The following RPS24 variants were observed in gnomAD, a reference collection of about 807,000 sequenced individuals.
RPS24 encodes small ribosomal subunit protein eS24.
For missense variants in RPS24, 100 were observed against 162.5 expected, an observed-to-expected ratio of 0.62 and a Z score of 2.09; for synonymous variants, 72 against 55.6, an observed-to-expected ratio of 1.30 and a Z score of -1.31.
At chr10:78,046,551 C>T (rs1477204488) in intron 4 of RPS24, among the ~76,000 whole-genome samples, 1 of 151,946 alleles carries the variant, frequency 6.6e-6, no homozygotes, top group Non-Finnish European at 1.5e-5. Flanking sequence ...GACAGGGTTT[C>T]TCCATGTTGG....
downstream of RPS24, among the ~76,000 whole-genome samples, chr10:78,042,410 C>T (rs1159970894): frequency 6.6e-6 from 1 of 152,198 alleles, no homozygotes; most frequent in Non-Finnish European, 1.5e-5. Flanking sequence ...GCTAGCTACC[C>T]TGGCTCACAA....
rs140177297 is a variant in RPS24, at chr10:78,054,841, A to G, written c.701A>G (p.His234Arg). ...TCACCTGCTCCTGCTGGTTCTCCCC[A>G]CCCTGTGGACGGTGACTTGGTCCTC... The change falls in exon 5 of 5, where the codon CAC (histidine) becomes CGC (arginine). Residue 234 changes from histidine to arginine, a missense_variant. By Grantham distance (29) the His-to-Arg change is conservative (BLOSUM62 0). Coordinates refer to the RPS24 transcript ENST00000440692. The G allele has an allele frequency of 1.6e-3, 2,537 of 1,551,222 alleles. 32 individuals carry two copies. In the African/African-American group the frequency reaches 0.03, roughly 18 times the overall value.
At chr10:78,054,853 G>T in exon 5 of RPS24, 1 of 1,551,126 alleles carries the variant, frequency 6.4e-7, no homozygotes, top group Non-Finnish European at 8.7e-7. Flanking sequence ...CCTGTGGACG[G>T]TGACTTGGTC....
chr10:78,055,835 C>T (rs1175094376), exon 5 of RPS24: 1 of 152,366 alleles, frequency 6.6e-6, no homozygotes, highest in Admixed American at 6.5e-5. Flanking sequence ...TCACTGCAAC[C>T]TCTGCTTCCC....
exon 5 of RPS24, chr10:78,056,020 G>C (rs1027506479): frequency 6.6e-6 from 1 of 152,318 alleles, no homozygotes; most frequent in Non-Finnish European, 1.5e-5. Context: ...CAACGTGCTG[G>C]GATTACAGGC....
intron 1 of RPS24, chr10:78,034,452 C>T (rs1847815462): frequency 6.3e-6 from 1 of 158,328 alleles, no homozygotes. Context: ...GCGTTATTAG[C>T]TCCTCCAGCA....
intron 3 of RPS24, among the ~76,000 whole-genome samples, chr10:78,036,936 A>G (rs957602932): frequency 6.6e-6 from 1 of 152,172 alleles, no homozygotes; most frequent in African/African-American, 2.4e-5. Context: ...TCAAGTCTGG[A>G]CAAGAACAGC....
At chr10:78,043,006 TAC>T (rs35848247), downstream of RPS24, among the ~76,000 whole-genome samples, 77,745 of 151,574 alleles carry the variant, frequency 0.51, 21,360 homozygotes, top group Non-Finnish European at 0.61. Context: ...CGCACACACA[TAC>T]ACACATATTT....
intron 4 of RPS24, among the ~76,000 whole-genome samples, chr10:78,053,695 C>T (rs558823632): frequency 6.6e-6 from 1 of 152,096 alleles, no homozygotes; most frequent in Admixed American, 6.5e-5. Flanking sequence ...ACGTCTGCAC[C>T]ACAGCCCCTC....
chr10:78,047,592 C>G (rs1848058380), intron 4 of RPS24, among the ~76,000 whole-genome samples: 1 of 152,156 alleles, frequency 6.6e-6, no homozygotes, highest in African/African-American at 2.4e-5. Flanking sequence ...CAGAGAAGGT[C>G]TAATGGGGGT....
At chr10:78,037,119 C>A (rs1847886810) in intron 3 of RPS24, 75 bp from the exon 4 acceptor site, 2 of 1,535,340 alleles carry the variant, frequency 1.3e-6, no homozygotes, top group South Asian at 1.2e-5. Flanking sequence ...CAGACTGGGT[C>A]AGTTTCCCTA....
chr10:78,047,407 C>T lies in RPS24; in HGVS notation c.391-7124C>T, dbSNP rs528116459. On this transcript the variant is annotated intron_variant, in intron 4 of 4. Transcript: ENST00000440692. ...AGGACAGTGCTGTAGACTGCCCCATCCCTGCCTTTTCACTTGGTGAAATAA... is the reference window on the plus strand; with the variant it reads ...AGGACAGTGCTGTAGACTGCCCCATTCCTGCCTTTTCACTTGGTGAAATAA... 2.8e-4 allele frequency among the ~76,000 whole-genome samples: 43 copies of T among 152,266 alleles called. No individual in the cohort carries two copies. In the South Asian group the frequency reaches 8.9e-3, roughly 32 times the overall value.
chr10:78,040,254 G>A (rs759908455), intron 5 of RPS24, 29 bp downstream of exon 5: 2 of 1,593,864 alleles, frequency 1.3e-6, no homozygotes, highest in Non-Finnish European at 1.7e-6. Context: ...ATGTAGTCAT[G>A]TAGATCACTA....
At chr10:78,043,280 G>A (rs1848006533), downstream of RPS24, among the ~76,000 whole-genome samples, 1 of 152,162 alleles carries the variant, frequency 6.6e-6, no homozygotes, top group Admixed American at 6.5e-5. Flanking sequence ...TGGGATTACA[G>A]GTGTGAGCCA....
At position 78,037,045 on chromosome 10, in the gene RPS24, C is replaced by T. The variant is rs6480873; in HGVS notation, c.280-149C>T. ...AATCCCTTGATGATCCTTTCTGTTC[C>T]AGCAAAAACATGCATTAAATGTACT... On this transcript the variant is annotated intron_variant, in intron 3 of 5. Coordinates refer to ENST00000372360, the MANE Select transcript of RPS24 (RefSeq NM_033022.4). The T allele has an allele frequency of 0.033, 29,352 of 891,192 alleles. 5,260 individuals are homozygous for T. In the African/African-American group the frequency reaches 0.41, roughly 13 times the overall value. The allele number at this position is 891,192 out of a possible 1,614,324, so 55.2% of individuals were successfully genotyped here. A position where few individuals can be genotyped will look rare whatever the true frequency, so the allele number is the denominator to read the frequency against.
downstream of RPS24, among the ~76,000 whole-genome samples, chr10:78,041,643 G>C (rs1847987208): frequency 6.6e-6 from 1 of 152,194 alleles, no homozygotes; most frequent in Non-Finnish European, 1.5e-5. Context: ...CTGTGACTGA[G>C]CTGGAGTGTG....
At chr10:78,054,633 G>A (rs749326610) in exon 5 of RPS24, 2 of 1,551,730 alleles carry the variant, frequency 1.3e-6, no homozygotes, top group Middle Eastern at 1.7e-4. Flanking sequence ...CCGGGGGGTT[G>A]TGTGGCAGGT....
chr10:78,037,899 GA>G, intron 4 of RPS24: 1 of 933,606 alleles, frequency 1.1e-6, no homozygotes, highest in South Asian at 1.6e-5. Flanking sequence ...AGTGTTCTGT[GA>G]ACTTTTTTTT....
downstream of RPS24, among the ~76,000 whole-genome samples, chr10:78,042,703 G>A (rs772697690): frequency 6.6e-6 from 1 of 152,156 alleles, no homozygotes; most frequent in Non-Finnish European, 1.5e-5. Flanking sequence ...GAGAGAGCAG[G>A]GATCTTTGAA....
Sources: gnomAD v4.1 joint callset for allele counts (sites outside exome capture counted in the v4.1 genomes callset) on GRCh38, gnomAD v4.1.1 for gene constraint, MANE v1.5 for transcripts, NCBI Gene and HGNC (gene_info 2026-07-23, HGNC 2026-07-21) for gene names.